The following LRSAM1 variants were observed in gnomAD, a reference collection of about 807,000 sequenced individuals.
LRSAM1 encodes E3 ubiquitin-protein ligase LRSAM1.
In LRSAM1, 96 loss-of-function variants were observed where a neutral mutation model predicts 118.1. The ratio of observed to expected loss-of-function variants is 0.81; its 90% confidence interval spans 0.69 to 0.96. LRSAM1 has a LOEUF of 0.96. Ranked by LOEUF, LRSAM1 falls within the 40% of genes least tolerant of loss-of-function variation. The pLI is 0.00. For missense variants in LRSAM1, 804 were observed against 915.5 expected, an observed-to-expected ratio of 0.88 and a Z score of 1.57; for synonymous variants, 322 against 364.2, an observed-to-expected ratio of 0.88 and a Z score of 1.32.
chr9:127,498,186 G>A (rs969483158), intron 24 of LRSAM1, among the ~76,000 whole-genome samples: 4 of 152,192 alleles, frequency 2.6e-5, no homozygotes, highest in Admixed American at 1.3e-4. Context: ...GGGAGGCCCC[G>A]GGGCTCCAGG....
rs373307015 is a variant in LRSAM1, at chr9:127,459,217, G to GTTT, written c.321+161_321+163dup. On this transcript the variant is annotated intron_variant, in intron 7 of 25. Coordinates refer to ENST00000300417, the MANE Select transcript of LRSAM1 (RefSeq NM_001005373.4). ...TCCACCCTCCCCTTGGCCCTTTGGG[G>GTTT]TTTTTTTTTTTTTTTTTGAGGCAGT... The GTTT allele has an allele frequency of 5.8e-3, 3,347 of 576,422 alleles. 1 individual carries two copies. Among genetic ancestry groups the GTTT allele is most frequent in the Middle Eastern group, 0.011 (25 of 2,304 alleles). 35.7% of individuals were successfully genotyped at this position (576,422 alleles called of 1,614,324 possible).
At chr9:127,478,857 C>CG in intron 11 of LRSAM1, 77 bp from the exon 12 acceptor site, 2 of 1,465,012 alleles carry the variant, frequency 1.4e-6, no homozygotes, top group Non-Finnish European at 1.9e-6. Flanking sequence ...TCAGGCCACC[C>CG]GGGGGTTCCT....
At chr9:127,490,268 TTC>T (rs1375055990) in intron 19 of LRSAM1, among the ~76,000 whole-genome samples, 1 of 152,152 alleles carries the variant, frequency 6.6e-6, no homozygotes, top group East Asian at 1.9e-4. Context: ...CTTTCTTTCT[TTC>T]TTTCTTTTTT....
At chr9:127,454,439 C>T (rs986107067) in intron 2 of LRSAM1, 57 bp from the exon 3 acceptor site, 12 of 1,334,968 alleles carry the variant, frequency 9.0e-6, no homozygotes, top group South Asian at 6.1e-5. Flanking sequence ...CTACCTGTCC[C>T]GGGTGTTGGG....
chr9:127,497,723 C>T (rs187353121), intron 24 of LRSAM1, among the ~76,000 whole-genome samples: 2 of 152,198 alleles, frequency 1.3e-5, no homozygotes, highest in Non-Finnish European at 2.9e-5. Context: ...TGCCTGTGGA[C>T]ATGGAGAGAT....
intron 10 of LRSAM1, among the ~76,000 whole-genome samples, chr9:127,468,834 A>AAAAAAC (rs1564261092): frequency 1.8e-5 from 2 of 110,192 alleles, no homozygotes; most frequent in Non-Finnish European, 1.9e-5. Flanking sequence ...AAAAAAAAAA[A>AAAAAAC]AAAAATCAGC....
intron 21 of LRSAM1, among the ~76,000 whole-genome samples, chr9:127,495,119 T>C (rs368079086): frequency 2.0e-5 from 3 of 151,836 alleles, no homozygotes; most frequent in East Asian, 3.9e-4. Flanking sequence ...GCCTGGCTAG[T>C]TTTGTATTTT....
At position 127,479,969 on chromosome 9, in the gene LRSAM1, A is replaced by C; in HGVS notation, c.1034A>C (p.Asp345Ala). Residue 345 changes from aspartate to alanine, a missense_variant, in exon 14 of 26, where the codon GAC (aspartate) becomes GCC (alanine). Asp to Ala is a moderately radical substitution (Grantham distance 126). Transcript: ENST00000300417. ...ISSRIQKLLQ[D>A]NQRQKKSSEI... is the part of the protein sequence containing the mutation. ...AGCCGGATCCAGAAGCTGCTGCAGG[A>C]CAATCAGAGGTTGGGCTCTGCTCCT... 6.2e-7 allele frequency: 1 copy of C among 1,614,210 alleles called. No individual in the cohort carries two copies. Among genetic ancestry groups the C allele is most frequent in the South Asian group, 1.1e-5 (1 of 91,090 alleles).
At chr9:127,480,000 C>A (rs749100440) in intron 14 of LRSAM1, 22 bp downstream of exon 14, 3 of 1,614,068 alleles carry the variant, frequency 1.9e-6, no homozygotes, top group Admixed American at 1.7e-5. Flanking sequence ...CTCCTCGGCC[C>A]CAGCCCCAGA....
rs749407044 is a variant in LRSAM1, at chr9:127,496,029, C to A, written c.1764C>A (p.Pro588=). The part of the protein sequence containing the change: ...LEELSAEHYL[P]IFAHHRLSLD... ...AGCTGTCGGCTGAGCACTACCTGCC[C>A]ATCTTTGCGCACCACCGCCTCTCAC... The change falls in exon 23 of 26, where the codon CCC becomes CCA. Residue 588 remains proline, a synonymous_variant. Transcript: ENST00000300417. 49 of 1,612,620 alleles carry A rather than the reference C, an allele frequency of 3.0e-5. No individual in the cohort carries two copies. Among genetic ancestry groups the A allele is most frequent in the Non-Finnish European group, 4.1e-5 (48 of 1,179,984 alleles).
chr9:127,492,198 C>A (rs183251166), intron 20 of LRSAM1, among the ~76,000 whole-genome samples: 1 of 152,380 alleles, frequency 6.6e-6, no homozygotes, highest in Admixed American at 6.5e-5. Flanking sequence ...CCAGGCCCAG[C>A]CTGTGCCATC....
chr9:127,479,502 G>A lies in LRSAM1; in HGVS notation c.900G>A (p.Lys300=), dbSNP rs777249094. ...SQKDEILQTV[K]EEQSRLEQGL... Reference sequence around the variant, plus strand: ...AGGATGAGATCCTTCAGACGGTCAAGGAGGTTTGTGAGCCGCCTGCTAGGG... The same window carrying A: ...AGGATGAGATCCTTCAGACGGTCAAAGAGGTTTGTGAGCCGCCTGCTAGGG... Residue 300 remains lysine, a synonymous_variant, in exon 13 of 26, where the codon AAG becomes AAA. Coordinates refer to ENST00000300417, the MANE Select transcript of LRSAM1 (RefSeq NM_001005373.4). 6.2e-7 allele frequency: 1 copy of A among 1,613,764 alleles called. No individual in the cohort carries two copies. The highest frequency in any genetic ancestry group is 8.5e-7 in the Non-Finnish European group (1 of 1,179,952).
chr9:127,484,529 A>ATTTTTTT (rs527770831), intron 16 of LRSAM1, among the ~76,000 whole-genome samples: 14 of 140,968 alleles, frequency 9.9e-5, no homozygotes, highest in Admixed American at 2.8e-4. Context: ...CACCTGGCTA[A>ATTTTTTT]TTTTTTTTTT....
intron 16 of LRSAM1, among the ~76,000 whole-genome samples, chr9:127,484,802 C>CTTTTTTCTTTTTTTT (rs1184060505): frequency 3.3e-5 from 2 of 61,204 alleles, no homozygotes; most frequent in Non-Finnish European, 4.9e-5. Flanking sequence ...TTTGATTTTT[C>CTTTTTTCTTTTTTTT]TTTTTTTCTT....
intron 14 of LRSAM1, 55 bp from the exon 15 acceptor site, chr9:127,481,128 G>C: frequency 6.2e-7 from 1 of 1,601,902 alleles, no homozygotes; most frequent in Non-Finnish European, 8.6e-7. Context: ...AACGCAGTGA[G>C]ACAGGAAACA....
chr9:127,461,090 G>A lies in LRSAM1; in HGVS notation c.322-83G>A. 6 of 1,025,286 alleles carry A rather than the reference G, an allele frequency of 5.9e-6. No homozygotes were observed. The South Asian group carries it at 7.5e-5, about 13-fold the overall frequency. The allele number at this position is 1,025,286 out of a possible 1,614,324, so 63.5% of individuals were successfully genotyped here. A position where few individuals can be genotyped will look rare whatever the true frequency, so the allele number is the denominator to read the frequency against. On this transcript the variant is annotated intron_variant, in intron 7 of 25. Transcript: ENST00000300417. ...AGGCTGGTCTTGAACTCTTGACCTT[G>A]TGATCCACCTGCCTCGGCCTCCCAA...
intron 10 of LRSAM1, among the ~76,000 whole-genome samples, chr9:127,468,512 C>T (rs943258326): frequency 6.6e-6 from 1 of 152,090 alleles, no homozygotes; most frequent in African/African-American, 2.4e-5. Flanking sequence ...CAGAATGCAA[C>T]CAAGACACAC....
intron 23 of LRSAM1, among the ~76,000 whole-genome samples, chr9:127,496,341 C>G (rs2132113551): frequency 6.6e-6 from 1 of 152,342 alleles, no homozygotes; most frequent in Middle Eastern, 3.4e-3. Flanking sequence ...CAGACTGGAT[C>G]TTCAGACTGG....
In LRSAM1 at chr9:127,473,788, C is replaced by A; in HGVS notation, c.620-13C>A. The A allele has an allele frequency of 6.2e-7, 1 of 1,614,132 alleles. No individual in the cohort carries two copies. Among genetic ancestry groups the A allele is most frequent in the Non-Finnish European group, 8.5e-7 (1 of 1,179,992 alleles). On this transcript the variant is annotated splice_polypyrimidine_tract_variant and intron_variant, in intron 10 of 25. Transcript: ENST00000300417. ...TCCTCCCTCCTGGTCAGCTTGTGTC[C>A]CGTCTCTTACAGAGTCAGGGCTGGA...
Sources: allele counts gnomAD v4.1 joint callset (sites outside exome capture counted in the v4.1 genomes callset), GRCh38; gene constraint gnomAD v4.1.1; transcripts MANE v1.5; gene names NCBI Gene and HGNC (gene_info 2026-07-23, HGNC 2026-07-21).